The following CNTLN variants were observed in gnomAD, a reference collection of about 807,000 sequenced individuals.
The protein encoded by CNTLN is centlein.
In CNTLN, 212 loss-of-function variants were observed where a neutral mutation model predicts 180.0. The ratio of observed to expected loss-of-function variants is 1.18; its 90% CI spans 1.05 to 1.32. The LOEUF (loss-of-function observed/expected upper bound fraction) is 1.32, where lower values mean the gene tolerates loss of function less well. Among genes scored for constraint, CNTLN ranks in the 40% most tolerant of loss-of-function variants. The pLI, the probability that CNTLN is intolerant of heterozygous loss-of-function variation, is 0.00. For missense variants in CNTLN, 2,095 were observed against 1,610.9 expected, an observed-to-expected ratio of 1.30 and a Z score of -5.14; for synonymous variants, 722 against 563.1, an observed-to-expected ratio of 1.28 and a Z score of -3.99.
intron 3 of CNTLN, among the ~76,000 whole-genome samples, chr9:17,227,844 A>G (rs1046861825): frequency 1.3e-5 from 2 of 152,076 alleles, no homozygotes; most frequent in African/African-American, 4.8e-5. Context: ...TTGTTCTGGA[A>G]AGAAACATTT....
chr9:17,309,290 A>G (rs1347480794), intron 8 of CNTLN, 38 bp downstream of exon 8: 2 of 1,411,426 alleles, frequency 1.4e-6, no homozygotes, highest in South Asian at 1.7e-5. Context: ...TCAGTGTAAT[A>G]TTAAATGAAA....
chr9:17,463,463 TA>T (rs1213143591), intron 20 of CNTLN, among the ~76,000 whole-genome samples: 2 of 151,636 alleles, frequency 1.3e-5, no homozygotes, highest in Non-Finnish European at 3.0e-5. Flanking sequence ...ACAAAGATTT[TA>T]AATGCTCTAT....
intron 25 of CNTLN, among the ~76,000 whole-genome samples, chr9:17,488,000 TA>T (rs1446357451): frequency 6.6e-6 from 1 of 152,136 alleles, no homozygotes; most frequent in Non-Finnish European, 1.5e-5. Flanking sequence ...AGCCAAAACA[TA>T]TTTGTCAAAA....
chr9:17,183,053 G>C (rs370393592), intron 2 of CNTLN, among the ~76,000 whole-genome samples: 2 of 152,288 alleles, frequency 1.3e-5, no homozygotes, highest in African/African-American at 4.8e-5. Flanking sequence ...GATAGAATCT[G>C]TATTTACTAA....
intron 2 of CNTLN, among the ~76,000 whole-genome samples, chr9:17,163,059 C>T (rs901193087): frequency 8.5e-5 from 13 of 152,244 alleles, no homozygotes; most frequent in Admixed American, 5.2e-4. Flanking sequence ...AGAAGGTGAA[C>T]GAGGAGCAAA....
intron 25 of CNTLN, among the ~76,000 whole-genome samples, chr9:17,492,162 C>G (rs1833199759): frequency 6.6e-6 from 1 of 151,994 alleles, no homozygotes; most frequent in Non-Finnish European, 1.5e-5. Flanking sequence ...CAAAGTAAGC[C>G]TACTTTCGTA....
intron 1 of CNTLN, among the ~76,000 whole-genome samples, chr9:17,137,311 C>T (rs1330424300): frequency 1.3e-5 from 2 of 152,116 alleles, no homozygotes; most frequent in African/African-American, 2.4e-5. Context: ...TCCTGCTCTT[C>T]GGGAATCTTG....
rs764517332 is a variant in CNTLN at position 17,273,799 on chromosome 9, C to G, written c.916C>G (p.Leu306Val). ...VEVSQSKYNA[L>V]SLQLSNKQTE... Reference sequence around the variant, plus strand: ...AGTATCACAGAGTAAATACAATGCTCTATCATTACAGTTGAGTAATAAACA... The same window carrying G: ...AGTATCACAGAGTAAATACAATGCTGTATCATTACAGTTGAGTAATAAACA... Residue 306 changes from leucine to valine, a missense_variant, in exon 6 of 26, where the codon CTA becomes GTA. Transcript: ENST00000380647. 3.8e-6 allele frequency: 6 copies of G among 1,574,770 alleles called. No individual in the cohort carries two copies. The African/African-American group carries it at 6.9e-5, about 18-fold the overall frequency.
intron 2 of CNTLN, among the ~76,000 whole-genome samples, chr9:17,202,988 C>T (rs1822657800): frequency 6.6e-6 from 1 of 151,888 alleles, no homozygotes. Context: ...TTTTCCTTTC[C>T]ATATTTCGTG....
chr9:17,305,246 G>T (rs907199402), intron 7 of CNTLN, among the ~76,000 whole-genome samples: 1 of 152,042 alleles, frequency 6.6e-6, no homozygotes, highest in African/African-American at 2.4e-5. Context: ...AGAATAGTAA[G>T]GATAGTATAT....
intron 2 of CNTLN, among the ~76,000 whole-genome samples, chr9:17,166,253 A>G (rs1261766732): frequency 1.3e-5 from 2 of 152,186 alleles, no homozygotes; most frequent in Non-Finnish European, 2.9e-5. Context: ...ATAACAATAA[A>G]TGATTGTCAA....
At chr9:17,268,613 T>G (rs929614511) in intron 5 of CNTLN, among the ~76,000 whole-genome samples, 1 of 152,142 alleles carries the variant, frequency 6.6e-6, no homozygotes, top group Non-Finnish European at 1.5e-5. Flanking sequence ...GCTGTCTTTT[T>G]GTTTGTCTGT....
At chr9:17,477,596 G>C (rs1026682537) in intron 23 of CNTLN, among the ~76,000 whole-genome samples, 14 of 152,178 alleles carry the variant, frequency 9.2e-5, no homozygotes, top group Non-Finnish European at 1.5e-5. Flanking sequence ...AGACATTAGT[G>C]GAGGAAGAAA....
At chr9:17,425,978 G>A (rs996877891) in intron 18 of CNTLN, among the ~76,000 whole-genome samples, 15 of 152,178 alleles carry the variant, frequency 9.9e-5, no homozygotes, top group Admixed American at 2.6e-4. Context: ...TGCAAATAAC[G>A]AGAAAGGTTG....
chr9:17,437,475 T>C (rs1189887862), intron 18 of CNTLN, among the ~76,000 whole-genome samples: 2 of 152,226 alleles, frequency 1.3e-5, no homozygotes, highest in Admixed American at 1.3e-4. Flanking sequence ...GGTAGTGTCC[T>C]GATTTTTTAC....
At chr9:17,273,359 G>C (rs1176261421) in intron 5 of CNTLN, among the ~76,000 whole-genome samples, 6 of 152,086 alleles carry the variant, frequency 3.9e-5, no homozygotes, top group Non-Finnish European at 8.8e-5. Context: ...TTCAAACAGA[G>C]AAAACAGGGA....
intron 13 of CNTLN, among the ~76,000 whole-genome samples, chr9:17,375,109 C>G (rs1209452325): frequency 1.3e-5 from 2 of 152,142 alleles, no homozygotes; most frequent in Non-Finnish European, 2.9e-5. Context: ...GAAATCTTGT[C>G]ATTTGCAACA....
chr9:17,493,944 A>G (rs138826152), intron 25 of CNTLN, among the ~76,000 whole-genome samples: 3 of 152,324 alleles, frequency 2.0e-5, no homozygotes, highest in African/African-American at 7.2e-5. Context: ...TCACGTTAGC[A>G]TGAGAAGAAG....
At chr9:17,276,070 A>T (rs556478450) in intron 6 of CNTLN, among the ~76,000 whole-genome samples, 2 of 152,198 alleles carry the variant, frequency 1.3e-5, no homozygotes, top group South Asian at 2.1e-4. Flanking sequence ...CATACCCCAA[A>T]TGTCAGCATC....
Sources: allele counts gnomAD v4.1 joint callset (sites outside exome capture counted in the v4.1 genomes callset), GRCh38; gene constraint gnomAD v4.1.1; transcripts MANE v1.5; gene names NCBI Gene and HGNC (gene_info 2026-07-23, HGNC 2026-07-21).